Variants in WNT5A observed in about 807,000 individuals in gnomAD.
The protein encoded by WNT5A is protein Wnt-5a.
WNT5A carries 9 observed loss-of-function variants against 42.1 expected under a neutral mutation model. That is an observed-to-expected ratio of 0.21 (90% confidence interval 0.13 to 0.37). The LOEUF (loss-of-function observed/expected upper bound fraction) is 0.37. Among genes scored for constraint, WNT5A ranks in the 10% least tolerant of loss-of-function variants. The probability of loss-of-function intolerance (pLI) is 1.00; values close to 1 mark genes in which losing one functional copy is unlikely to be tolerated. For missense variants in WNT5A, 426 were observed against 534.0 expected, an observed-to-expected ratio of 0.80 and a Z score of 1.99; for synonymous variants, 210 against 210.0, an observed-to-expected ratio of 1.00 and a Z score of 0.00.
At chr3:55,470,656 G>T in intron 4 of WNT5A, 106 bp from the exon 5 acceptor site, 1 of 1,058,018 alleles carries the variant, frequency 9.5e-7, no homozygotes, top group Non-Finnish European at 1.3e-6. Context: ...ATGTTCCCCA[G>T]CTGAATTAAG....
Position 55,486,975 on chromosome 3 carries a change from CCTA to C in WNT5A, c.6+2_6+4del. On this transcript the variant is annotated splice_donor_variant and splice_donor_region_variant and intron_variant, in intron 1 of 4. Coordinates refer to ENST00000264634, the MANE Select transcript of WNT5A (RefSeq NM_003392.7). LOFTEE classifies it high-confidence loss of function. ...AAAAAAAGTGGCAGCGCACTGAACA[CCTA>C]CCTTCATGGCGAGGGGGAGGGGGCG... 1 of 1,612,344 alleles carries C rather than the reference CCTA, an allele frequency of 6.2e-7. No homozygotes were observed. Among genetic ancestry groups the C allele is most frequent in the Non-Finnish European group, 8.5e-7 (1 of 1,179,042 alleles).
the WNT5A span, among the ~76,000 whole-genome samples, chr3:55,504,320 T>G: frequency 6.6e-6 from 1 of 151,948 alleles, no homozygotes; most frequent in African/African-American, 2.4e-5. Flanking sequence ...AAGAAATTTT[T>G]AAGACATAGT....
the WNT5A span, among the ~76,000 whole-genome samples, chr3:55,500,321 C>T: frequency 6.6e-6 from 1 of 152,184 alleles, no homozygotes; most frequent in African/African-American, 2.4e-5. Flanking sequence ...TTTTGATTTG[C>T]TATTTTCCTA....
rs1163712843 is a variant in WNT5A at position 55,468,396 on chromosome 3, A to G, written c.*1696T>C. The G allele has an allele frequency of 1.3e-5, 2 of 152,144 alleles. No individual in the cohort carries two copies. Among genetic ancestry groups the G allele is most frequent in the Admixed American group, 6.5e-5 (1 of 15,270 alleles). The allele number at this position is 152,144 out of a possible 1,614,324, so 9.4% of individuals were successfully genotyped here. The stretch of plus-strand genomic sequence containing the variant: ...GGGTGAGGCAGAAAAGAAAAAAGAT[A>G]TCTTCAACCCAACACGCATTTCAGT... On this transcript the variant is annotated 3_prime_UTR_variant, in exon 5 of 5. Transcript: ENST00000264634.
upstream of WNT5A, chr3:55,488,422 A>G (rs1022413185): frequency 1.3e-5 from 2 of 151,800 alleles, 1 homozygote; most frequent in African/African-American, 4.8e-5. Context: ...AGAAAAAAAA[A>G]AAAAGAAAGA....
upstream of WNT5A, among the ~76,000 whole-genome samples, chr3:55,491,484 T>C (rs1464564033): frequency 6.6e-6 from 1 of 152,176 alleles, no homozygotes; most frequent in Non-Finnish European, 1.5e-5. Flanking sequence ...AATAAATCAA[T>C]ATTTTTGGCT....
Position 55,479,561 on chromosome 3 carries a change from C to T in WNT5A, c.144G>A (p.Ser48=), listed in dbSNP as rs1225728076. The T allele has an allele frequency of 4.4e-6, 7 of 1,584,362 alleles. No homozygotes were observed. The highest frequency in any genetic ancestry group is 1.3e-5 in the African/African-American group (1 of 74,146). Residue 48 remains serine, a synonymous_variant, in exon 3 of 5, where the codon TCG becomes TCA. Coordinates refer to ENST00000264634, the MANE Select transcript of WNT5A (RefSeq NM_003392.7). The part of the protein sequence containing the change: ...QVVIEANSWW[S]LGMNNPVQMS... ...TCTGAACAGGGTTATTCATACCTAG[C>T]GACCTGCAAGGGGGGGAGATGTGCA...
the WNT5A span, among the ~76,000 whole-genome samples, chr3:55,498,253 C>G: frequency 3.9e-5 from 6 of 152,148 alleles, no homozygotes; most frequent in African/African-American, 2.4e-5. Flanking sequence ...GTCACCCATT[C>G]AGGGACTTGA....
At chr3:55,486,536 T>C (rs2051582194) in intron 1 of WNT5A, among the ~76,000 whole-genome samples, 1 of 151,906 alleles carries the variant, frequency 6.6e-6, no homozygotes, top group African/African-American at 2.4e-5. Flanking sequence ...AACCAAGGAG[T>C]CCCTTTCCCC....
At chr3:55,500,014 A>G in the WNT5A span, among the ~76,000 whole-genome samples, 2 of 151,738 alleles carry the variant, frequency 1.3e-5, no homozygotes, top group Admixed American at 1.3e-4. Flanking sequence ...AATTAAATTA[A>G]CTAGATTTTT....
chr3:55,493,839 G>T (rs1010286017), upstream of WNT5A: 3 of 152,220 alleles, frequency 2.0e-5, no homozygotes, highest in East Asian at 5.8e-4. Context: ...CCCATATAAG[G>T]CTTGCCTTAG....
the WNT5A span, among the ~76,000 whole-genome samples, chr3:55,504,398 C>T: frequency 6.6e-6 from 1 of 151,924 alleles, no homozygotes; most frequent in Non-Finnish European, 1.5e-5. Flanking sequence ...TTCCATAGGC[C>T]TTAGTTTTCC....
At chr3:55,486,373 G>C (rs1264739174) in intron 1 of WNT5A, among the ~76,000 whole-genome samples, 1 of 152,160 alleles carries the variant, frequency 6.6e-6, no homozygotes, top group African/African-American at 2.4e-5. Context: ...CTGGCCCCCC[G>C]CCAGGCACTC....
rs188798140 is a variant in WNT5A at position 55,479,572 on chromosome 3, G to A, written c.141-8C>T. 38 of 1,569,864 alleles carry A rather than the reference G, an allele frequency of 2.4e-5. No homozygotes were observed. The East Asian group carries it at 2.7e-4, about 11-fold the overall frequency. On this transcript the variant is annotated splice_polypyrimidine_tract_variant and splice_region_variant and intron_variant, in intron 2 of 4. Transcript: ENST00000264634. ...TTATTCATACCTAGCGACCTGCAAGGGGGGGAGATGTGCATTCAAGATTTA... is the reference window on the plus strand; with the variant it reads ...TTATTCATACCTAGCGACCTGCAAGAGGGGGAGATGTGCATTCAAGATTTA...
At chr3:55,492,388 G>A (rs995751525), upstream of WNT5A, among the ~76,000 whole-genome samples, 14 of 152,136 alleles carry the variant, frequency 9.2e-5, no homozygotes, top group African/African-American at 3.4e-4. Flanking sequence ...CACCTCTACA[G>A]TGGAGATAGG....
rs766645570 is a variant in WNT5A at position 55,479,571 on chromosome 3, G to C, written c.141-7C>G. On this transcript the variant is annotated splice_polypyrimidine_tract_variant and splice_region_variant and intron_variant, in intron 2 of 4. Coordinates refer to ENST00000264634, the MANE Select transcript of WNT5A (RefSeq NM_003392.7). Reference sequence around the variant, plus strand: ...GTTATTCATACCTAGCGACCTGCAAGGGGGGGAGATGTGCATTCAAGATTT... The same window carrying C: ...GTTATTCATACCTAGCGACCTGCAACGGGGGGAGATGTGCATTCAAGATTT... The C allele has an allele frequency of 4.5e-6, 7 of 1,570,902 alleles. No individual in the cohort carries two copies. The highest frequency in any genetic ancestry group is 6.1e-6 in the Non-Finnish European group (7 of 1,153,340).
chr3:55,474,202 CAG>C, intron 4 of WNT5A, 133 bp downstream of exon 4: 1 of 1,078,966 alleles, frequency 9.3e-7, no homozygotes, highest in South Asian at 1.5e-5. Flanking sequence ...GAAAGAGAAG[CAG>C]AGAGATAGAG....
At chr3:55,485,802 G>GATT (rs1399755670) in intron 1 of WNT5A, among the ~76,000 whole-genome samples, 1 of 152,170 alleles carries the variant, frequency 6.6e-6, no homozygotes, top group Non-Finnish European at 1.5e-5. Context: ...ACCAGACAGG[G>GATT]ATTAGAAAGT....
At chr3:55,480,952 C>G (rs990674090) in intron 1 of WNT5A, 34 bp from the exon 2 acceptor site, 1 of 1,436,790 alleles carries the variant, frequency 7.0e-7, no homozygotes, top group Non-Finnish European at 9.2e-7. Flanking sequence ...ATGTTTATTG[C>G]CTCTCAGATA....
Sources: gnomAD v4.1 joint callset for allele counts (sites outside exome capture counted in the v4.1 genomes callset) on GRCh38, gnomAD v4.1.1 for gene constraint, MANE v1.5 for transcripts, NCBI Gene and HGNC (gene_info 2026-07-23, HGNC 2026-07-21) for gene names.